Variants in ADGRL3 observed in about 807,000 individuals in gnomAD.
ADGRL3 encodes calcium-independent alpha-latrotoxin receptor 3.
In ADGRL3, 62 loss-of-function variants were observed where a neutral mutation model predicts 153.5. The observed-to-expected ratio is 0.40, with a 90% CI of 0.33 to 0.50. The LOEUF is 0.50. Among genes scored for constraint, ADGRL3 ranks in the 20% least tolerant of loss-of-function variants. The pLI is 0.47. For synonymous variants in ADGRL3, 710 were observed against 672.5 expected, an observed-to-expected ratio of 1.06 and a Z score of -0.86; for missense variants, 1,641 against 1,859.4, an observed-to-expected ratio of 0.88 and a Z score of 2.16.
chr4:61,456,852 T>A (rs2097761637), intron 2 of ADGRL3, among the ~76,000 whole-genome samples: 1 of 152,110 alleles, frequency 6.6e-6, no homozygotes, highest in South Asian at 2.1e-4. Flanking sequence ...ATACATCAAT[T>A]TTTATTCTAA....
At chr4:61,761,965 A>G (rs146788386) in intron 8 of ADGRL3, among the ~76,000 whole-genome samples, 1 of 152,340 alleles carries the variant, frequency 6.6e-6, no homozygotes, top group East Asian at 1.9e-4. Flanking sequence ...AAACAAATAA[A>G]TAAAATTATC....
intron 25 of ADGRL3, among the ~76,000 whole-genome samples, chr4:62,057,774 C>A (rs901558870): frequency 2.6e-5 from 4 of 152,046 alleles, no homozygotes; most frequent in African/African-American, 7.2e-5. Context: ...GCCTCCCAGG[C>A]TCAGGTGATC....
In ADGRL3 at chr4:61,598,153, G is replaced by C. The variant is rs545433674; in HGVS notation, c.473+10713G>C. 9.1e-4 allele frequency among the ~76,000 whole-genome samples: 138 copies of C among 151,510 alleles called. 1 individual carries two copies. Among genetic ancestry groups the C allele is most frequent in the African/African-American group, 3.1e-3 (129 of 41,312 alleles). ...TAGTAAGTTAGCATTTCCCTGCTGT[G>C]ACATTAAAAAAAAAATGTTCAACTA... On this transcript the variant is annotated intron_variant, in intron 5 of 26. Coordinates refer to ENST00000683033, the MANE Select transcript of ADGRL3 (RefSeq NM_001387552.1).
At chr4:61,310,799 T>C (rs767671072) in intron 1 of ADGRL3, among the ~76,000 whole-genome samples, 11 of 151,900 alleles carry the variant, frequency 7.2e-5, no homozygotes, top group Non-Finnish European at 1.3e-4. Context: ...TTGTCCCACT[T>C]CAGGGGAAGA....
intron 1 of ADGRL3, among the ~76,000 whole-genome samples, chr4:61,255,759 T>G (rs2091898653): frequency 6.6e-6 from 1 of 152,182 alleles, no homozygotes; most frequent in South Asian, 2.1e-4. Context: ...CACTATCCTG[T>G]CTGCCTCTCA....
At chr4:61,796,391 A>C (rs541023631) in intron 8 of ADGRL3, among the ~76,000 whole-genome samples, 13 of 151,918 alleles carry the variant, frequency 8.6e-5, no homozygotes, top group African/African-American at 2.9e-4. Flanking sequence ...GTGCCTCTTT[A>C]CCATAGTAAG....
intron 25 of ADGRL3, among the ~76,000 whole-genome samples, chr4:62,055,385 A>T (rs1314767100): frequency 1.3e-5 from 2 of 151,792 alleles, no homozygotes; most frequent in Non-Finnish European, 3.0e-5. Context: ...AAGAAGCTGA[A>T]GTATCTCCAA....
At chr4:61,907,714 G>A (rs910718527) in intron 11 of ADGRL3, among the ~76,000 whole-genome samples, 2 of 151,864 alleles carry the variant, frequency 1.3e-5, no homozygotes, top group South Asian at 2.1e-4. Flanking sequence ...TTGTGATAAA[G>A]CATTAATTTT....
At chr4:61,539,386 T>G (rs1056783385) in intron 4 of ADGRL3, among the ~76,000 whole-genome samples, 9 of 152,260 alleles carry the variant, frequency 5.9e-5, no homozygotes, top group African/African-American at 1.4e-4. Context: ...CAATTGACAA[T>G]GCCCAGTGGG....
chr4:61,855,979 A>G (rs571203589), intron 9 of ADGRL3, among the ~76,000 whole-genome samples: 3 of 152,310 alleles, frequency 2.0e-5, no homozygotes, highest in Admixed American at 6.5e-5. Flanking sequence ...AAAAGGCTTT[A>G]CAGAACAGGT....
chr4:61,695,686 C>T (rs779366684), intron 6 of ADGRL3, among the ~76,000 whole-genome samples: 1 of 152,138 alleles, frequency 6.6e-6, no homozygotes, highest in Non-Finnish European at 1.5e-5. Flanking sequence ...TGATCATCTC[C>T]TCTTTAGCTA....
At chr4:61,739,363 G>A (rs766127683) in intron 8 of ADGRL3, among the ~76,000 whole-genome samples, 1 of 151,374 alleles carries the variant, frequency 6.6e-6, no homozygotes, top group Non-Finnish European at 1.5e-5. Flanking sequence ...CTGGAGTGCA[G>A]TGCCACACAG....
chr4:61,457,582 C>A (rs1451959668), intron 2 of ADGRL3, among the ~76,000 whole-genome samples: 1 of 151,720 alleles, frequency 6.6e-6, no homozygotes, highest in East Asian at 1.9e-4. Flanking sequence ...ATTAATTGGC[C>A]TTTAATTTAC....
At chr4:61,236,317 C>T (rs960705252) in intron 1 of ADGRL3, among the ~76,000 whole-genome samples, 20 of 152,032 alleles carry the variant, frequency 1.3e-4, no homozygotes, top group Non-Finnish European at 4.4e-5. Flanking sequence ...GCCTCTTTAT[C>T]AGTGTTTCTA....
intron 4 of ADGRL3, among the ~76,000 whole-genome samples, chr4:61,559,888 G>GCT (rs2098787228): frequency 6.6e-6 from 1 of 151,820 alleles, no homozygotes; most frequent in African/African-American, 2.4e-5. Context: ...AAACTATGAT[G>GCT]CTCTGTGTGA....
chr4:61,420,944 A>T (rs2097199042), intron 2 of ADGRL3, among the ~76,000 whole-genome samples: 1 of 152,164 alleles, frequency 6.6e-6, no homozygotes. Flanking sequence ...GAAGGCCTAT[A>T]TTCAAGTTTT....
chr4:61,299,218 A>G (rs928160857), intron 1 of ADGRL3, among the ~76,000 whole-genome samples: 1 of 152,102 alleles, frequency 6.6e-6, no homozygotes, highest in Non-Finnish European at 1.5e-5. Context: ...GAACATTGAA[A>G]TAACACTTCA....
At chr4:61,291,812 A>G (rs762123292) in intron 1 of ADGRL3, among the ~76,000 whole-genome samples, 1 of 148,338 alleles carries the variant, frequency 6.7e-6, no homozygotes, top group African/African-American at 2.5e-5. Flanking sequence ...GACGTTCTAT[A>G]TGCGAAGAAG....
chr4:61,234,917 C>G (rs1752252594), intron 1 of ADGRL3, among the ~76,000 whole-genome samples: 1 of 152,064 alleles, frequency 6.6e-6, no homozygotes, highest in Non-Finnish European at 1.5e-5. Context: ...TGTTTACTGC[C>G]TTGCTCATTT....
Sources: gnomAD v4.1 joint callset for allele counts (sites outside exome capture counted in the v4.1 genomes callset) on GRCh38, gnomAD v4.1.1 for gene constraint, MANE v1.5 for transcripts, NCBI Gene and HGNC (gene_info 2026-07-23, HGNC 2026-07-21) for gene names.